Variants in ARPP21 observed in about 807,000 individuals in gnomAD.
ARPP21 encodes cAMP-regulated phosphoprotein 21.
ARPP21 carries 69 observed loss-of-function variants against 113.2 expected under a neutral mutation model. The ratio of observed to expected loss-of-function variants is 0.61; its 90% confidence interval spans 0.50 to 0.74. ARPP21 has a LOEUF of 0.74. Among genes scored for constraint, ARPP21 ranks in the 30% least tolerant of loss-of-function variants. The pLI, the probability that ARPP21 is intolerant of heterozygous loss-of-function variation, is 0.00. For synonymous variants in ARPP21, 368 were observed against 375.5 expected (o/e 0.98, Z 0.23); for missense variants, 1,070 against 1,037.4 (o/e 1.03, Z -0.43).
chr3:35,652,074 G>A (rs927066907), intron 1 of ARPP21: 1 of 152,068 alleles, frequency 6.6e-6, no homozygotes, highest in South Asian at 2.1e-4. Context: ...TTGAAAAAGA[G>A]ATGTGGGTAT....
At chr3:35,661,777 C>A (rs1307059310) in intron 1 of ARPP21, among the ~76,000 whole-genome samples, 1 of 152,126 alleles carries the variant, frequency 6.6e-6, no homozygotes, top group African/African-American at 2.4e-5. Context: ...TTACCTTGGG[C>A]AAGTTCCTTG....
chr3:35,653,269 G>C (rs1703241017), intron 1 of ARPP21, among the ~76,000 whole-genome samples: 1 of 78,384 alleles, frequency 1.3e-5, no homozygotes, highest in Admixed American at 1.2e-4. Flanking sequence ...GTTGAAGGAA[G>C]AATGAAAGAA....
intron 1 of ARPP21, among the ~76,000 whole-genome samples, chr3:35,667,166 A>G (rs942204201): frequency 6.6e-6 from 1 of 152,212 alleles, no homozygotes; most frequent in African/African-American, 2.4e-5. Flanking sequence ...TTCTTTAATC[A>G]AAATACTGTC....
At chr3:35,681,477 C>T (rs948968328) in intron 2 of ARPP21, 4 of 307,482 alleles carry the variant, frequency 1.3e-5, no homozygotes, top group African/African-American at 6.3e-5. Flanking sequence ...ATTTGTCGAC[C>T]CATTTTGATG....
At chr3:35,716,819 C>G (rs1015457655) in intron 12 of ARPP21, among the ~76,000 whole-genome samples, 1 of 151,856 alleles carries the variant, frequency 6.6e-6, no homozygotes. Context: ...AATAATTGGT[C>G]ACATATATAT....
At chr3:35,704,694 AC>A (rs2088012530) in intron 9 of ARPP21, among the ~76,000 whole-genome samples, 1 of 151,978 alleles carries the variant, frequency 6.6e-6, no homozygotes, top group African/African-American at 2.4e-5. Flanking sequence ...TATTATTGTG[AC>A]TTTTTTAATC....
intron 19 of ARPP21, among the ~76,000 whole-genome samples, chr3:35,780,854 G>T (rs566794052): frequency 2.6e-5 from 4 of 152,018 alleles, no homozygotes; most frequent in Non-Finnish European, 5.9e-5. Flanking sequence ...CAGGAACAAC[G>T]TATTTCAGCT....
At position 35,728,809 on chromosome 3, in the gene ARPP21, T is replaced by G. The variant is rs370292893; in HGVS notation, c.1226-494T>G. On this transcript the variant is annotated intron_variant, in intron 14 of 20. Coordinates refer to ENST00000684406, the MANE Select transcript of ARPP21 (RefSeq NM_001385562.1). ...ATTTATGACTAGGCCCCTTCAGACT[T>G]CAGCTGTATAGGTGTCGGAGAACCA... Among the ~76,000 whole-genome samples the G allele has an allele frequency of 1.2e-4, 18 of 152,296 alleles. No homozygotes were observed. The East Asian group carries it at 3.3e-3, about 28-fold the overall frequency.
intron 1 of ARPP21, among the ~76,000 whole-genome samples, chr3:35,658,744 T>G (rs904668129): frequency 6.6e-6 from 1 of 152,102 alleles, no homozygotes; most frequent in Non-Finnish European, 1.5e-5. Context: ...GGTTCTTTTC[T>G]GAACTGACCC....
intron 19 of ARPP21, among the ~76,000 whole-genome samples, chr3:35,755,658 G>C (rs865799715): frequency 6.6e-6 from 1 of 151,994 alleles, no homozygotes; most frequent in African/African-American, 2.4e-5. Flanking sequence ...GCTATTTCTT[G>C]TTCACCGTGG....
At position 35,718,444 on chromosome 3, in the gene ARPP21, CA is replaced by C. The variant is rs369055931; in HGVS notation, c.995+1088del. On this transcript the variant is annotated intron_variant, in intron 13 of 20. Coordinates refer to ENST00000684406, the MANE Select transcript of ARPP21 (RefSeq NM_001385562.1). ...TAAAATTTACCATTAGTCCTGCGCT[CA>C]CACACTGTGACCTAGTTTGTTTAGG... 1.4e-4 allele frequency among the ~76,000 whole-genome samples: 22 copies of C among 152,250 alleles called. No homozygotes were observed. The East Asian group carries it at 4.1e-3, about 28-fold the overall frequency.
At chr3:35,673,100 A>G (rs950862947) in intron 1 of ARPP21, among the ~76,000 whole-genome samples, 25 of 152,072 alleles carry the variant, frequency 1.6e-4, no homozygotes, top group African/African-American at 5.8e-4. Flanking sequence ...CAGAAAGAGA[A>G]TGCTATTAAG....
At chr3:35,662,803 C>G (rs1708423340) in intron 1 of ARPP21, among the ~76,000 whole-genome samples, 1 of 151,992 alleles carries the variant, frequency 6.6e-6, no homozygotes. Flanking sequence ...TGAAATCTAC[C>G]AGAAGGGTAA....
chr3:35,649,723 T>C (rs1374375046), intron 1 of ARPP21, among the ~76,000 whole-genome samples: 4 of 152,124 alleles, frequency 2.6e-5, no homozygotes, highest in Non-Finnish European at 5.9e-5. Context: ...ACCCCCCTCC[T>C]GCTTTAAGCA....
At chr3:35,669,481 A>G (rs549723296) in intron 1 of ARPP21, among the ~76,000 whole-genome samples, 11 of 152,260 alleles carry the variant, frequency 7.2e-5, no homozygotes, top group African/African-American at 2.4e-4. Context: ...TATCCTAGCA[A>G]TTTCCACATC....
intron 1 of ARPP21, among the ~76,000 whole-genome samples, chr3:35,677,742 T>G (rs2077883340): frequency 6.6e-6 from 1 of 152,008 alleles, no homozygotes; most frequent in Admixed American, 6.6e-5. Context: ...AGAAAAGATA[T>G]TTGTTGAAAA....
At chr3:35,670,529 C>T (rs2076066443) in intron 1 of ARPP21, among the ~76,000 whole-genome samples, 1 of 152,034 alleles carries the variant, frequency 6.6e-6, no homozygotes, top group South Asian at 2.1e-4. Flanking sequence ...GTCGGCCAAA[C>T]TCAAACTGCA....
rs776933263 is a variant in ARPP21 at position 35,690,865 on chromosome 3, T to A, written c.546T>A (p.Asn182Lys). 1 of 1,603,082 alleles carries A rather than the reference T, an allele frequency of 6.2e-7. No individual in the cohort carries two copies. Among genetic ancestry groups the A allele is most frequent in the Non-Finnish European group, 8.5e-7 (1 of 1,175,464 alleles). ...QEIIDFIADN[N>K]NHYKKFPQMS... ...CACTTTTTCTTGAATTATGTTCTAG[T>A]AATCATTATAAAAAGTTCCCTCAGA... The change falls in exon 9 of 21, where the codon AAT becomes AAA. Residue 182 changes from asparagine (N) to lysine (K), a missense_variant and splice_region_variant. Asn to Lys is a moderately conservative substitution (Grantham distance 94). Transcript: ENST00000684406.
intron 9 of ARPP21, among the ~76,000 whole-genome samples, chr3:35,692,137 T>G (rs2082411972): frequency 6.6e-6 from 1 of 151,662 alleles, no homozygotes; most frequent in Non-Finnish European, 1.5e-5. Flanking sequence ...GGCTTCAAAT[T>G]ACTTATATAT....
Sources: gnomAD v4.1 joint callset for allele counts (sites outside exome capture counted in the v4.1 genomes callset) on GRCh38, gnomAD v4.1.1 for gene constraint, MANE v1.5 for transcripts, NCBI Gene and HGNC (gene_info 2026-07-23, HGNC 2026-07-21) for gene names.